TAS2R1: variants seen among roughly 807,000 people sequenced by gnomAD.
The protein encoded by TAS2R1 is taste 2 receptor member 1, also known as taste receptor type 2 member 1.
For synonymous variants in TAS2R1, 141 were observed against 134.2 expected, an observed-to-expected ratio of 1.05 and a Z score of -0.35; for missense variants, 370 against 353.4, an observed-to-expected ratio of 1.05 and a Z score of -0.38.
intron 1 of TAS2R1, among the ~76,000 whole-genome samples, chr5:9,700,358 G>A (rs1458195364): frequency 1.3e-5 from 2 of 152,272 alleles, no homozygotes; most frequent in African/African-American, 4.8e-5. Context: ...AATACGAATT[G>A]TGATCTTAGG....
At chr5:9,734,845 T>G in the TAS2R1 span, among the ~76,000 whole-genome samples, 1 of 151,402 alleles carries the variant, frequency 6.6e-6, no homozygotes, top group African/African-American at 2.5e-5. Context: ...TAATAAATTA[T>G]ATATTTATAT....
the TAS2R1 span, among the ~76,000 whole-genome samples, chr5:9,890,608 G>A: frequency 6.6e-6 from 1 of 152,132 alleles, no homozygotes; most frequent in South Asian, 2.1e-4. Context: ...TCTCTTAAAA[G>A]GGACATAAAA....
the TAS2R1 span, among the ~76,000 whole-genome samples, chr5:9,759,599 C>A: frequency 5.3e-5 from 8 of 152,094 alleles, no homozygotes; most frequent in African/African-American, 1.9e-4. Context: ...GAACAAAAAC[C>A]AGTTATGACT....
At chr5:9,767,755 T>G in the TAS2R1 span, among the ~76,000 whole-genome samples, 1 of 151,978 alleles carries the variant, frequency 6.6e-6, no homozygotes, top group Non-Finnish European at 1.5e-5. Flanking sequence ...TGAAACCCTG[T>G]CTGTACTAAA....
At chr5:9,838,795 G>A in the TAS2R1 span, among the ~76,000 whole-genome samples, 1 of 152,192 alleles carries the variant, frequency 6.6e-6, no homozygotes, top group African/African-American at 2.4e-5. Context: ...AGGAAGCTCA[G>A]TTCCTTAAGG....
chr5:9,779,808 G>A, the TAS2R1 span, among the ~76,000 whole-genome samples: 1 of 152,222 alleles, frequency 6.6e-6, no homozygotes, highest in Admixed American at 6.5e-5. Context: ...CTGGGAAACA[G>A]CATAGATAGT....
At chr5:9,752,806 T>C in the TAS2R1 span, among the ~76,000 whole-genome samples, 1 of 152,074 alleles carries the variant, frequency 6.6e-6, no homozygotes, top group Admixed American at 6.5e-5. Flanking sequence ...GTGTTTAGTT[T>C]TTTCTCCTTG....
the TAS2R1 span, among the ~76,000 whole-genome samples, chr5:9,807,744 T>C: frequency 3.3e-5 from 5 of 152,090 alleles, no homozygotes; most frequent in African/African-American, 2.4e-5. Context: ...GAATGATACA[T>C]TGGACTTTTG....
chr5:9,656,659 C>T (rs1288296882), intron 2 of TAS2R1, among the ~76,000 whole-genome samples: 2 of 152,180 alleles, frequency 1.3e-5, no homozygotes, highest in Admixed American at 1.3e-4. Flanking sequence ...TTAATCTCAT[C>T]CAGAAACTCC....
the TAS2R1 span, among the ~76,000 whole-genome samples, chr5:9,824,111 AG>A: frequency 6.6e-6 from 1 of 152,148 alleles, no homozygotes; most frequent in Admixed American, 6.5e-5. Context: ...ACATGGCACC[AG>A]CTTTGGAGTG....
the TAS2R1 span, among the ~76,000 whole-genome samples, chr5:9,776,753 A>G: frequency 3.3e-5 from 5 of 151,974 alleles, no homozygotes; most frequent in Admixed American, 6.6e-5. Flanking sequence ...CCCACACCAC[A>G]TTTTCCTTCT....
At chr5:9,823,212 T>C in the TAS2R1 span, among the ~76,000 whole-genome samples, 1 of 152,118 alleles carries the variant, frequency 6.6e-6, no homozygotes, top group Admixed American at 6.6e-5. Context: ...GAGTGTAAAA[T>C]GCTATATTTT....
chr5:9,746,211 A>G, the TAS2R1 span, among the ~76,000 whole-genome samples: 23 of 152,342 alleles, frequency 1.5e-4, no homozygotes, highest in Non-Finnish European at 3.2e-4. Flanking sequence ...CAAAACCACA[A>G]TGAGATACCA....
At chr5:9,698,873 CTG>C (rs1002408563) in intron 1 of TAS2R1, among the ~76,000 whole-genome samples, 2 of 152,130 alleles carry the variant, frequency 1.3e-5, no homozygotes, top group African/African-American at 4.8e-5. Context: ...CATGCTGTTT[CTG>C]TGTGTGTGTT....
At chr5:9,838,743 C>T in the TAS2R1 span, among the ~76,000 whole-genome samples, 1 of 152,172 alleles carries the variant, frequency 6.6e-6, no homozygotes, top group Non-Finnish European at 1.5e-5. Flanking sequence ...CTTGGATATA[C>T]ATTTTTTAGG....
At chr5:9,862,369 T>C in the TAS2R1 span, among the ~76,000 whole-genome samples, 1 of 152,090 alleles carries the variant, frequency 6.6e-6, no homozygotes, top group Admixed American at 6.5e-5. Flanking sequence ...CTAGTACCTT[T>C]AGTTTGTGGG....
At chr5:9,721,006 T>C in the TAS2R1 span, among the ~76,000 whole-genome samples, 44 of 151,010 alleles carry the variant, frequency 2.9e-4, no homozygotes, top group South Asian at 8.6e-3. Context: ...GCGCCCACCC[T>C]GCCTGCTGCA....
At chr5:9,638,371 G>C (rs771528455) in intron 2 of TAS2R1, among the ~76,000 whole-genome samples, 4 of 152,064 alleles carry the variant, frequency 2.6e-5, no homozygotes, top group Non-Finnish European at 4.4e-5. Context: ...CTTGATTGTA[G>C]ATAGGTTTAG....
At chr5:9,811,022 T>C in the TAS2R1 span, among the ~76,000 whole-genome samples, 1 of 152,202 alleles carries the variant, frequency 6.6e-6, no homozygotes, top group African/African-American at 2.4e-5. Context: ...TTTAAATGTG[T>C]GTGTTCCCCT....
Sources: gnomAD v4.1 joint callset for allele counts (sites outside exome capture counted in the v4.1 genomes callset) on GRCh38, gnomAD v4.1.1 for gene constraint, MANE v1.5 for transcripts, NCBI Gene and HGNC (gene_info 2026-07-23, HGNC 2026-07-21) for gene names.